COX10: variants seen among roughly 807,000 people sequenced by gnomAD.
The protein encoded by COX10 is cytochrome c oxidase assembly factor heme A:farnesyltransferase COX10.
In COX10, 27 loss-of-function variants were observed where a neutral mutation model predicts 37.3. That is an observed-to-expected ratio of 0.72 (90% CI 0.53 to 1.00). The LOEUF (loss-of-function observed/expected upper bound fraction) is 1.00, where lower values mean the gene tolerates loss of function less well. Among genes scored for constraint, COX10 ranks in the 50% least tolerant of loss-of-function variants. COX10 has a pLI of 0.00. For missense variants in COX10, 475 were observed against 563.2 expected, an observed-to-expected ratio of 0.84 and a Z score of 1.59; for synonymous variants, 222 against 229.1, an observed-to-expected ratio of 0.97 and a Z score of 0.28.
chr17:14,162,363 A>G (rs1463455463), intron 5 of COX10, among the ~76,000 whole-genome samples: 2 of 152,166 alleles, frequency 1.3e-5, no homozygotes, highest in Non-Finnish European at 2.9e-5. Context: ...ACATAACGCT[A>G]TATTTGCCTT....
chr17:14,205,074 T>C (rs943323227), intron 6 of COX10, among the ~76,000 whole-genome samples: 1 of 152,040 alleles, frequency 6.6e-6, no homozygotes, highest in African/African-American at 2.4e-5. Context: ...GCCACTGCAC[T>C]CCAGCCAACC....
chr17:14,131,241 C>A (rs972499344), intron 4 of COX10, among the ~76,000 whole-genome samples: 2 of 151,890 alleles, frequency 1.3e-5, no homozygotes, highest in African/African-American at 4.8e-5. Flanking sequence ...TAAGAAAAGC[C>A]AAAAGGAGAT....
At chr17:14,205,676 G>A (rs951657239) in intron 6 of COX10, among the ~76,000 whole-genome samples, 9 of 152,152 alleles carry the variant, frequency 5.9e-5, no homozygotes, top group Middle Eastern at 3.2e-3. Flanking sequence ...AGGTGGCTTC[G>A]TGCATGTCAT....
chr17:14,092,704 CTTAAGTTAGAAA>C (rs1323659971), intron 3 of COX10, among the ~76,000 whole-genome samples: 1 of 152,028 alleles, frequency 6.6e-6, no homozygotes, highest in Admixed American at 6.6e-5. Context: ...AAAAAACTCA[CTTAAGTTAGAAA>C]TTCAACTATT....
chr17:14,171,859 A>G (rs1905481052), intron 5 of COX10, among the ~76,000 whole-genome samples: 1 of 151,526 alleles, frequency 6.6e-6, no homozygotes, highest in South Asian at 2.1e-4. Context: ...TTCTTTCCCA[A>G]ATCTTTTTCC....
At chr17:14,097,314 T>C (rs1416304354) in intron 3 of COX10, among the ~76,000 whole-genome samples, 1 of 145,864 alleles carries the variant, frequency 6.9e-6, no homozygotes, top group Non-Finnish European at 1.5e-5. Flanking sequence ...TTGTTAGCTT[T>C]TGGGTTTTTT....
intron 6 of COX10, among the ~76,000 whole-genome samples, chr17:14,193,828 C>T (rs1906284611): frequency 6.7e-6 from 1 of 149,522 alleles, no homozygotes; most frequent in Non-Finnish European, 1.5e-5. Flanking sequence ...TCTTATTTCC[C>T]TCAAACCTTT....
At chr17:14,075,068 A>G (rs758181886) in intron 2 of COX10, among the ~76,000 whole-genome samples, 7 of 152,220 alleles carry the variant, frequency 4.6e-5, no homozygotes, top group Non-Finnish European at 1.0e-4. Flanking sequence ...TGGCAAAATG[A>G]TAGCTGAAAA....
intron 6 of COX10, 44 bp from the exon 7 acceptor site, chr17:14,206,766 G>A (rs1906713426): frequency 1.2e-6 from 2 of 1,611,548 alleles, no homozygotes; most frequent in Non-Finnish European, 1.7e-6. Flanking sequence ...AATCTCTGGT[G>A]ATGACTGCCT....
intron 5 of COX10, among the ~76,000 whole-genome samples, chr17:14,165,737 C>T (rs56366032): frequency 0.016 from 2,453 of 152,306 alleles, 70 homozygotes; most frequent in African/African-American, 0.055. Flanking sequence ...AAGGCTAGGC[C>T]TCTTGCACCA....
intron 4 of COX10, among the ~76,000 whole-genome samples, chr17:14,157,667 T>C (rs554016204): frequency 1.3e-5 from 2 of 152,288 alleles, no homozygotes; most frequent in South Asian, 4.1e-4. Flanking sequence ...AGCACTGCCA[T>C]TTCCTAATCT....
At chr17:14,157,603 A>G in intron 4 of COX10, among the ~76,000 whole-genome samples, 1 of 152,314 alleles carries the variant, frequency 6.6e-6, no homozygotes. Context: ...AAAAACTGCA[A>G]CTGCCACAGT....
At chr17:14,144,384 G>A (rs977242416) in intron 4 of COX10, among the ~76,000 whole-genome samples, 1 of 151,978 alleles carries the variant, frequency 6.6e-6, no homozygotes, top group African/African-American at 2.4e-5. Flanking sequence ...CAGTAAGCAT[G>A]CCTATTTTGT....
intron 4 of COX10, among the ~76,000 whole-genome samples, chr17:14,152,196 A>G (rs531573330): frequency 2.6e-5 from 4 of 152,308 alleles, no homozygotes; most frequent in African/African-American, 4.8e-5. Flanking sequence ...CATGCTGCTG[A>G]TAAGACATAA....
chr17:14,143,931 A>G (rs375395629), intron 4 of COX10, among the ~76,000 whole-genome samples: 1 of 152,176 alleles, frequency 6.6e-6, no homozygotes, highest in African/African-American at 2.4e-5. Context: ...TGTGCCCACA[A>G]GCGTACAGTG....
At chr17:14,074,821 G>A (rs182915404) in intron 2 of COX10, among the ~76,000 whole-genome samples, 102 of 152,320 alleles carry the variant, frequency 6.7e-4, no homozygotes, top group African/African-American at 2.3e-3. Flanking sequence ...TGCTTTAACA[G>A]TGTGACCCTC....
rs1480397841 is a variant in COX10, at chr17:14,178,450, C to CG, written c.696-13537dup. On this transcript the variant is annotated intron_variant, in intron 5 of 6. Coordinates refer to ENST00000261643, the MANE Select transcript of COX10 (RefSeq NM_001303.4). ...AGGTTGTGGGGCCTGAGGGCTCTCC[C>CG]GGCACCTCTGCCAGCCCTGTCGCCT... Among the ~76,000 whole-genome samples, 3 of 136,710 alleles carry CG rather than the reference C, an allele frequency of 2.2e-5. No individual in the cohort carries two copies. The East Asian group carries it at 6.2e-4, about 28-fold the overall frequency. The allele number at this position is 136,710 out of a possible 152,430, so 89.7% of individuals were successfully genotyped here.
At chr17:14,159,078 GTTAGGATGACCA>G (rs1368840498) in intron 4 of COX10, among the ~76,000 whole-genome samples, 5 of 152,260 alleles carry the variant, frequency 3.3e-5, no homozygotes, top group Non-Finnish European at 7.4e-5. Flanking sequence ...GTACTTCATT[GTTAGGATGACCA>G]TACCAATCTA....
At chr17:14,198,944 T>C (rs1372869807) in intron 6 of COX10, among the ~76,000 whole-genome samples, 1 of 152,196 alleles carries the variant, frequency 6.6e-6, no homozygotes. Flanking sequence ...CCAGATTAAG[T>C]TATACTAGCG....
Sources: gnomAD v4.1 joint callset for allele counts (sites outside exome capture counted in the v4.1 genomes callset) on GRCh38, gnomAD v4.1.1 for gene constraint, MANE v1.5 for transcripts, NCBI Gene and HGNC (gene_info 2026-07-23, HGNC 2026-07-21) for gene names.